The following NDUFAF8 variants were observed in gnomAD, a reference collection of about 807,000 sequenced individuals.
The protein encoded by NDUFAF8 is NADH dehydrogenase [ubiquinone] 1 alpha subcomplex assembly factor 8.
Under a neutral mutation model 9.9 loss-of-function variants are expected in NDUFAF8, and 9 were observed. The ratio of observed to expected loss-of-function variants is 0.91; its 90% CI spans 0.55 to 1.59. The LOEUF (loss-of-function observed/expected upper bound fraction) is 1.59. Ranked by LOEUF, NDUFAF8 falls within the 40% of genes most tolerant of loss-of-function variation. The probability of loss-of-function intolerance (pLI) is 0.00; values close to 1 mark genes in which losing one functional copy is unlikely to be tolerated. For synonymous variants in NDUFAF8, 63 were observed against 51.2 expected (o/e 1.23, Z -0.98); for missense variants, 114 against 113.8 (o/e 1.00, Z -0.01).
rs1481845091 is a variant in NDUFAF8 at position 81,241,212 on chromosome 17, T to A, written c.*196T>A. 7.3e-7 allele frequency: 1 copy of A among 1,372,664 alleles called. No homozygotes were observed. Among genetic ancestry groups the A allele is most frequent in the Non-Finnish European group, 9.4e-7 (1 of 1,058,480 alleles). The allele number at this position is 1,372,664 out of a possible 1,614,324, so 85.0% of individuals were successfully genotyped here. A position where few individuals can be genotyped will look rare whatever the true frequency, so the allele number is the denominator to read the frequency against. On this transcript the variant is annotated 3_prime_UTR_variant, in exon 3 of 3. Transcript: ENST00000431388. ...TAGAGCAGGAATTGGTTTTCCAGCA[T>A]TGTGTCCGTAAACCTGAGTTAGAAT... is the stretch of plus-strand genomic sequence containing the variant.
rs2062793384 is a variant in NDUFAF8, at chr17:81,239,673, G to C, written c.190G>C (p.Ala64Pro). 1 of 1,538,484 alleles carries C rather than the reference G, an allele frequency of 6.5e-7. No homozygotes were observed. The highest frequency in any genetic ancestry group is 1.2e-5 in the South Asian group (1 of 84,002). The change falls in exon 2 of 3, where the codon GCT becomes CCT. Residue 64 changes from alanine (A) to proline (P), a missense_variant. Coordinates refer to ENST00000431388, the MANE Select transcript of NDUFAF8 (RefSeq NM_001086521.2). ...EFEALRSCFA[A>P]AAKKTLEGGC The stretch of plus-strand genomic sequence containing the variant: ...CGAGGCCCTGCGGAGCTGCTTCGCC[G>C]CTGCGGTAGGTGGGCGCGGGCCCCT...
At chr17:81,240,702 C>T (rs2062809858) in intron 2 of NDUFAF8, among the ~76,000 whole-genome samples, 1 of 151,082 alleles carries the variant, frequency 6.6e-6, no homozygotes, top group Admixed American at 6.6e-5. Flanking sequence ...TCCTGCTTTC[C>T]CTCTATGAGA....
Position 81,241,154 on chromosome 17 carries a change from A to T in NDUFAF8, c.*138A>T, listed in dbSNP as rs1169087996. On this transcript the variant is annotated 3_prime_UTR_variant, in exon 3 of 3. Transcript: ENST00000431388. ...AAGATGTGACATTCCTCGGTGTTAG[A>T]TCCTGTTTTTTCTTAACAAGTTGAG... 1 of 1,408,362 alleles carries T rather than the reference A, an allele frequency of 7.1e-7. No homozygotes were observed. Among genetic ancestry groups the T allele is most frequent in the African/African-American group, 1.4e-5 (1 of 69,016 alleles). 87.2% of individuals were successfully genotyped at this position (1,408,362 alleles called of 1,614,324 possible).
In NDUFAF8 at chr17:81,239,386, G is replaced by C; in HGVS notation, c.23G>C (p.Trp8Ser). 7.3e-7 allele frequency: 1 copy of C among 1,370,316 alleles called. No homozygotes were observed. The highest frequency in any genetic ancestry group is 9.4e-7 in the Non-Finnish European group (1 of 1,061,300). The allele number at this position is 1,370,316 out of a possible 1,614,324, so 84.9% of individuals were successfully genotyped here. Reference protein sequence around the residue: MSANGAVWGRVRSRLRAF... With the variant: MSANGAVSGRVRSRLRAF... ...CTCATGTCGGCTAACGGAGCGGTGT[G>C]GGGCCGCGTGCGAAGCCGCCTCCGC... Residue 8 changes from tryptophan to serine, a missense_variant, in exon 1 of 3, where the codon TGG becomes TCG. Coordinates refer to ENST00000431388, the MANE Select transcript of NDUFAF8 (RefSeq NM_001086521.2).
Position 81,239,401 on chromosome 17 carries a change from G to C in NDUFAF8, c.38G>C (p.Ser13Thr). ...GGAGCGGTGTGGGGCCGCGTGCGAA[G>C]CCGCCTCCGCGCCTTCCCCGAGCGG... ...ANGAVWGRVR[S>T]RLRAFPERLA... The change falls in exon 1 of 3, where the codon AGC becomes ACC. Residue 13 changes from serine to threonine, a missense_variant. Physicochemically the swap from Ser to Thr is moderately conservative, Grantham distance 58. Transcript: ENST00000431388. The C allele has an allele frequency of 7.3e-7, 1 of 1,364,454 alleles. No individual in the cohort carries two copies. Among genetic ancestry groups the C allele is most frequent in the South Asian group, 1.8e-5 (1 of 55,376 alleles). The allele number at this position is 1,364,454 out of a possible 1,614,324, so 84.5% of individuals were successfully genotyped here.
chr17:81,239,850 G>A, intron 2 of NDUFAF8, 172 bp downstream of exon 2: 3 of 713,308 alleles, frequency 4.2e-6, no homozygotes, highest in South Asian at 1.8e-5. Context: ...AACCTCGGCC[G>A]TCCTGGGCTT....
Sources: allele counts gnomAD v4.1 joint callset (sites outside exome capture counted in the v4.1 genomes callset), GRCh38; gene constraint gnomAD v4.1.1; transcripts MANE v1.5; gene names NCBI Gene and HGNC (gene_info 2026-07-23, HGNC 2026-07-21).